MIR2052HG: variants seen among roughly 807,000 people sequenced by gnomAD.
MIR2052HG encodes MIR2052 host gene.
chr8:74,733,196 G>A (rs2128755004), intron 4 of MIR2052HG, among the ~76,000 whole-genome samples: 1 of 152,124 alleles, frequency 6.6e-6, no homozygotes, highest in East Asian at 1.9e-4. Flanking sequence ...TCGTCATCTA[G>A]CATTAGGTAT....
intron 4 of MIR2052HG, among the ~76,000 whole-genome samples, chr8:74,740,731 T>A (rs1161028993): frequency 1.3e-5 from 2 of 152,200 alleles, no homozygotes; most frequent in Admixed American, 6.5e-5. Flanking sequence ...GATGCCAAGT[T>A]GAATACATGA....
chr8:74,743,759 A>C (rs566700340), intron 4 of MIR2052HG, among the ~76,000 whole-genome samples: 1 of 152,318 alleles, frequency 6.6e-6, no homozygotes, highest in Admixed American at 6.5e-5. Context: ...ACCCAGTCCC[A>C]CATCACTGAA....
intron 4 of MIR2052HG, among the ~76,000 whole-genome samples, chr8:74,735,036 T>C (rs1157260753): frequency 6.6e-6 from 1 of 152,130 alleles, no homozygotes; most frequent in Non-Finnish European, 1.5e-5. Context: ...CAAATCACAT[T>C]TTGCTTTTTA....
At chr8:74,638,454 T>C (rs925702872) in intron 2 of MIR2052HG, among the ~76,000 whole-genome samples, 18 of 152,122 alleles carry the variant, frequency 1.2e-4, no homozygotes, top group African/African-American at 3.9e-4. Flanking sequence ...GGATGGAGGA[T>C]GACTTGAAGG....
chr8:74,698,819 T>C (rs1809328733), intron 2 of MIR2052HG, among the ~76,000 whole-genome samples: 1 of 152,020 alleles, frequency 6.6e-6, no homozygotes, highest in Non-Finnish European at 1.5e-5. Context: ...AGAGGATGGG[T>C]CAATAGGTGC....
intron 2 of MIR2052HG, among the ~76,000 whole-genome samples, chr8:74,658,700 G>T (rs1402764153): frequency 6.6e-6 from 1 of 152,094 alleles, no homozygotes; most frequent in Non-Finnish European, 1.5e-5. Flanking sequence ...GATGTTCCTT[G>T]AGTTTGCAGA....
intron 2 of MIR2052HG, among the ~76,000 whole-genome samples, chr8:74,618,720 G>A (rs117314771): frequency 0.015 from 2,279 of 152,264 alleles, 19 homozygotes; most frequent in Non-Finnish European, 0.019. Flanking sequence ...AGATTTTCCT[G>A]TGAGATAAGG....
At chr8:74,719,452 C>T (rs1013703957) in intron 4 of MIR2052HG, among the ~76,000 whole-genome samples, 10 of 152,236 alleles carry the variant, frequency 6.6e-5, no homozygotes, top group East Asian at 1.9e-4. Flanking sequence ...GCTGGTGACC[C>T]GGACAGGTTG....
At chr8:74,652,422 C>A (rs897833295) in intron 2 of MIR2052HG, among the ~76,000 whole-genome samples, 1 of 152,150 alleles carries the variant, frequency 6.6e-6, no homozygotes, top group Admixed American at 6.6e-5. Flanking sequence ...GGAGTGAAGA[C>A]CATGTGGACC....
chr8:74,698,812 G>T (rs908003295), intron 2 of MIR2052HG, among the ~76,000 whole-genome samples: 1 of 152,098 alleles, frequency 6.6e-6, no homozygotes, highest in Non-Finnish European at 1.5e-5. Flanking sequence ...GAAACTTAGA[G>T]GATGGGTCAA....
intron 1 of MIR2052HG, among the ~76,000 whole-genome samples, chr8:74,607,052 C>A (rs1808122090): frequency 6.6e-6 from 1 of 150,748 alleles, no homozygotes; most frequent in African/African-American, 2.4e-5. Flanking sequence ...GAGAAAAAAG[C>A]AAGATCCAAC....
At chr8:74,673,326 G>T (rs1459772549) in intron 2 of MIR2052HG, among the ~76,000 whole-genome samples, 1 of 151,954 alleles carries the variant, frequency 6.6e-6, no homozygotes, top group Non-Finnish European at 1.5e-5. Flanking sequence ...TCTCTCATGA[G>T]CACCTAGAGG....
At chr8:74,657,534 C>T (rs569496949) in intron 2 of MIR2052HG, among the ~76,000 whole-genome samples, 62 of 152,234 alleles carry the variant, frequency 4.1e-4, no homozygotes, top group Middle Eastern at 6.8e-3. Context: ...TGTTTTAATC[C>T]GTTTTCACAC....
At chr8:74,718,339 A>G (rs148367173) in intron 4 of MIR2052HG, among the ~76,000 whole-genome samples, 13 of 152,048 alleles carry the variant, frequency 8.5e-5, no homozygotes, top group Non-Finnish European at 1.8e-4. Context: ...TCTCATCTCA[A>G]TGTAAGCAGC....
rs574087239 is a variant in MIR2052HG at position 74,716,423 on chromosome 8, G to T, written n.371+12741G>T. ...AGAATATTATTCCAGTGTAAAGAATGAATCCAGGGCCGGTCACAGTGGCTC... is the reference window on the plus strand; with the variant it reads ...AGAATATTATTCCAGTGTAAAGAATTAATCCAGGGCCGGTCACAGTGGCTC... On this transcript the variant is annotated intron_variant and non_coding_transcript_variant, in intron 4 of 6. Coordinates refer to ENST00000523442, the Ensembl canonical transcript of MIR2052HG. 6.6e-5 allele frequency among the ~76,000 whole-genome samples: 10 copies of T among 152,244 alleles called. No individual in the cohort carries two copies. The East Asian group carries it at 1.9e-3, about 29-fold the overall frequency.
At chr8:74,692,988 T>C (rs1809255069) in intron 2 of MIR2052HG, among the ~76,000 whole-genome samples, 1 of 152,186 alleles carries the variant, frequency 6.6e-6, no homozygotes, top group Non-Finnish European at 1.5e-5. Context: ...GAAAATGGCT[T>C]TGATTCAAGT....
At chr8:74,662,198 C>CAA (rs1563525917) in intron 2 of MIR2052HG, among the ~76,000 whole-genome samples, 1 of 152,154 alleles carries the variant, frequency 6.6e-6, no homozygotes, top group East Asian at 1.9e-4. Flanking sequence ...AAGGCTTTTT[C>CAA]AATGGTCAGA....
chr8:74,731,082 C>T (rs1316103601), intron 4 of MIR2052HG, among the ~76,000 whole-genome samples: 1 of 152,102 alleles, frequency 6.6e-6, no homozygotes, highest in African/African-American at 2.4e-5. Context: ...GATGACTCAG[C>T]CAGTTGACAT....
intron 1 of MIR2052HG, among the ~76,000 whole-genome samples, chr8:74,602,516 C>CTT (rs746190655): frequency 5.4e-5 from 8 of 147,018 alleles, no homozygotes; most frequent in Admixed American, 6.8e-5. Context: ...TCTTTTCTTT[C>CTT]TTTCTTTTTT....
Sources: gnomAD v4.1 joint callset for allele counts (sites outside exome capture counted in the v4.1 genomes callset) on GRCh38, gnomAD v4.1.1 for gene constraint, MANE v1.5 for transcripts, NCBI Gene and HGNC (gene_info 2026-07-23, HGNC 2026-07-21) for gene names.